Variants in TAF1B observed in about 807,000 individuals in gnomAD.
TAF1B encodes the protein TATA-box binding protein associated factor, RNA polymerase I subunit B, also known as TATA box-binding protein-associated factor RNA polymerase I subunit B.
In TAF1B, 61 loss-of-function variants were observed where a neutral mutation model predicts 83.9. That is an observed-to-expected ratio of 0.73 (90% CI 0.59 to 0.90). The LOEUF (loss-of-function observed/expected upper bound fraction) is 0.90. TAF1B is among the 40% of genes least tolerant of loss of function. TAF1B has a pLI of 0.00. For missense variants in TAF1B, 625 were observed against 677.0 expected, an observed-to-expected ratio of 0.92 and a Z score of 0.85; for synonymous variants, 221 against 224.6, an observed-to-expected ratio of 0.98 and a Z score of 0.14.
At chr2:9,897,633 A>G (rs1053222015) in intron 8 of TAF1B, among the ~76,000 whole-genome samples, 4 of 152,194 alleles carry the variant, frequency 2.6e-5, no homozygotes, top group African/African-American at 9.6e-5. Flanking sequence ...CCCTTTGTGA[A>G]ACTGGGTTTC....
chr2:9,913,336 C>A, intron 12 of TAF1B, 87 bp downstream of exon 12: 1 of 1,021,772 alleles, frequency 9.8e-7, no homozygotes, highest in Non-Finnish European at 1.5e-6. Context: ...CATCAGTATA[C>A]ACTTATCTAC....
At position 9,890,482 on chromosome 2, in the gene TAF1B, T is replaced by C. The variant is rs542395242; in HGVS notation, c.807+7677T>C. ...GTTGTTGCTCACTCATTCTTGGATT[T>C]TTTTAAAAAAAAATTGTAGTCTCTG... On this transcript the variant is annotated intron_variant, in intron 8 of 14. Coordinates refer to ENST00000263663, the MANE Select transcript of TAF1B (RefSeq NM_005680.3). 1.2e-3 allele frequency among the ~76,000 whole-genome samples: 182 copies of C among 152,262 alleles called. 1 individual carries two copies. The highest frequency in any genetic ancestry group is 3.5e-3 in the Admixed American group (54 of 15,294).
chr2:9,905,564 T>C (rs1665314864), intron 9 of TAF1B, among the ~76,000 whole-genome samples: 1 of 152,230 alleles, frequency 6.6e-6, no homozygotes, highest in Non-Finnish European at 1.5e-5. Flanking sequence ...TGGTTCATAG[T>C]ATACCAACAC....
intron 8 of TAF1B, among the ~76,000 whole-genome samples, chr2:9,902,171 G>A (rs556948501): frequency 5.3e-5 from 8 of 150,908 alleles, no homozygotes; most frequent in Non-Finnish European, 8.8e-5. Flanking sequence ...TACCATTAAG[G>A]TCTTTCCACC....
chr2:9,886,243 A>C (rs151332114), intron 8 of TAF1B, among the ~76,000 whole-genome samples: 2 of 151,546 alleles, frequency 1.3e-5, no homozygotes, highest in African/African-American at 2.4e-5. Context: ...TGGAAAATTA[A>C]GTTTCCATTT....
intron 14 of TAF1B, 122 bp downstream of exon 14, chr2:9,919,942 A>G (rs960596874): frequency 1.1e-6 from 1 of 906,116 alleles, no homozygotes; most frequent in Non-Finnish European, 1.7e-6. Flanking sequence ...AGAATTATAC[A>G]TTGAGTCTTG....
intron 2 of TAF1B, among the ~76,000 whole-genome samples, chr2:9,848,854 G>A (rs988166540): frequency 6.6e-6 from 1 of 152,112 alleles, no homozygotes; most frequent in African/African-American, 2.4e-5. Context: ...AACCATTTTA[G>A]TCATTCTAAA....
chr2:9,933,355 G>A (rs1666276499), intron 14 of TAF1B, among the ~76,000 whole-genome samples: 1 of 152,204 alleles, frequency 6.6e-6, no homozygotes, highest in Non-Finnish European at 1.5e-5. Context: ...AATACATATA[G>A]TATTGCAAGC....
rs1292053858 is a variant in TAF1B, at chr2:9,934,010, A to G, written c.*26A>G. ...GAAAATGAAATAGAAACTTTCTGGA[A>G]AAATATTTTAATAGTGATAATAACA... is the stretch of plus-strand genomic sequence containing the variant. On this transcript the variant is annotated 3_prime_UTR_variant, in exon 15 of 15. Transcript: ENST00000263663. 1.3e-6 allele frequency: 2 copies of G among 1,519,966 alleles called. No individual in the cohort carries two copies. The highest frequency in any genetic ancestry group is 8.9e-7 in the Non-Finnish European group (1 of 1,122,100). 94.2% of individuals were successfully genotyped at this position (1,519,966 alleles called of 1,614,324 possible).
chr2:9,917,667 G>T (rs1256491535), intron 12 of TAF1B, among the ~76,000 whole-genome samples: 2 of 152,176 alleles, frequency 1.3e-5, no homozygotes, highest in African/African-American at 2.4e-5. Flanking sequence ...ATGTTTAAAT[G>T]AGTTCCTACT....
intron 4 of TAF1B, among the ~76,000 whole-genome samples, chr2:9,854,037 G>A (rs1445561040): frequency 6.6e-6 from 1 of 152,132 alleles, no homozygotes; most frequent in Admixed American, 6.5e-5. Context: ...ACATTTAGAT[G>A]GAAGACTTAA....
At position 9,919,736 on chromosome 2, in the gene TAF1B, T is replaced by G; in HGVS notation, c.1481T>G (p.Leu494Arg). ...AGAACGTGTTTCCATGGACACAGCC[T>G]TCAGGGAGTCCTGAAAGAGAAAGGC... ...TDRTCFHGHS[L>R]QGVLKEKGQS... Residue 494 changes from leucine to arginine, a missense_variant, in exon 14 of 15, where the codon CTT becomes CGT. Coordinates refer to ENST00000263663, the MANE Select transcript of TAF1B (RefSeq NM_005680.3). 6.2e-7 allele frequency: 1 copy of G among 1,614,196 alleles called. No homozygotes were observed. The highest frequency in any genetic ancestry group is 8.5e-7 in the Non-Finnish European group (1 of 1,180,036).
chr2:9,899,899 A>G (rs1050693576), intron 8 of TAF1B, among the ~76,000 whole-genome samples: 1 of 152,154 alleles, frequency 6.6e-6, no homozygotes, highest in African/African-American at 2.4e-5. Flanking sequence ...TACTATGAAT[A>G]TTTTCCTAAA....
At chr2:9,884,688 T>C (rs1249407285) in intron 8 of TAF1B, among the ~76,000 whole-genome samples, 1 of 152,132 alleles carries the variant, frequency 6.6e-6, no homozygotes, top group Non-Finnish European at 1.5e-5. Flanking sequence ...AGGTTATTCC[T>C]CTCTGCATCC....
chr2:9,894,022 G>A (rs62127146), intron 8 of TAF1B, among the ~76,000 whole-genome samples: 34,623 of 152,140 alleles, frequency 0.23, 4,797 homozygotes, highest in East Asian at 0.31. Context: ...TTATAAAAGA[G>A]AGGAGTAGAA....
At chr2:9,921,183 C>T (rs1253460776) in intron 14 of TAF1B, among the ~76,000 whole-genome samples, 1 of 152,106 alleles carries the variant, frequency 6.6e-6, no homozygotes, top group East Asian at 1.9e-4. Context: ...CCTCAACTTC[C>T]TAGGCTCAAG....
At chr2:9,899,242 C>T (rs551439788) in intron 8 of TAF1B, among the ~76,000 whole-genome samples, 20 of 152,104 alleles carry the variant, frequency 1.3e-4, no homozygotes, top group South Asian at 2.1e-4. Context: ...GTATCTCATA[C>T]GTGTGGAATC....
chr2:9,882,680 A>T, intron 7 of TAF1B, 26 bp from the exon 8 acceptor site: 1 of 1,548,168 alleles, frequency 6.5e-7, no homozygotes, highest in Non-Finnish European at 8.8e-7. Context: ...AACTCTCATT[A>T]AACCTTTTTC....
In TAF1B at chr2:9,913,233, G is replaced by A. The variant is rs778208649; in HGVS notation, c.1255G>A (p.Glu419Lys). ...KAFDEKKQKW[E>K]EARAKYLWKS... ...TTTTGATGAGAAAAAACAAAAATGG[G>A]AAGAAGCAAGGGCCAAGTATGTTCT... Residue 419 changes from glutamate (E) to lysine (K), a missense_variant, in exon 12 of 15, where the codon GAA becomes AAA. Physicochemically the swap from Glu to Lys is moderately conservative, Grantham distance 56 (BLOSUM62 1). Transcript: ENST00000263663. 7 of 1,613,498 alleles carry A rather than the reference G, an allele frequency of 4.3e-6. No homozygotes were observed. In the South Asian group the frequency reaches 7.7e-5, roughly 18 times the overall value.
Sources: gnomAD v4.1 joint callset for allele counts (sites outside exome capture counted in the v4.1 genomes callset) on GRCh38, gnomAD v4.1.1 for gene constraint, MANE v1.5 for transcripts, NCBI Gene and HGNC (gene_info 2026-07-23, HGNC 2026-07-21) for gene names.